Variants in CORO2A observed in about 807,000 individuals in gnomAD.
CORO2A encodes the protein coronin-2A.
In CORO2A, 47 loss-of-function variants were observed where a neutral mutation model predicts 62.4. The ratio of observed to expected loss-of-function variants is 0.75; its 90% CI spans 0.60 to 0.96. The LOEUF is 0.96. CORO2A is among the 40% of genes least tolerant of loss of function. The pLI, the probability that CORO2A is intolerant of heterozygous loss-of-function variation, is 0.00. For synonymous variants in CORO2A, 273 were observed against 268.9 expected (o/e 1.02, Z -0.15); for missense variants, 610 against 684.1 (o/e 0.89, Z 1.21).
chr9:98,170,185 G>C (rs561104006), intron 1 of CORO2A, among the ~76,000 whole-genome samples: 154 of 152,310 alleles, frequency 1.0e-3, no homozygotes, highest in Non-Finnish European at 1.4e-3. Context: ...CCTGCCCACT[G>C]TGTTTTTTCC....
At chr9:98,160,929 C>T (rs137916363) in intron 1 of CORO2A, among the ~76,000 whole-genome samples, 5 of 152,312 alleles carry the variant, frequency 3.3e-5, no homozygotes, top group South Asian at 4.1e-4. Context: ...CTAGGACTCT[C>T]GTCCTTGGCC....
chr9:98,138,974 G>A (rs1423958820), intron 2 of CORO2A, among the ~76,000 whole-genome samples: 2 of 151,174 alleles, frequency 1.3e-5, no homozygotes, highest in African/African-American at 4.9e-5. Flanking sequence ...TTGAACCCAG[G>A]AGGCAGAGGT....
rs1827235693 is a variant in CORO2A, at chr9:98,121,027, T to C, written c.*3747A>G. 6.6e-6 allele frequency: 1 copy of C among 152,256 alleles called. No individual in the cohort carries two copies. The highest frequency in any genetic ancestry group is 6.5e-5 in the Admixed American group (1 of 15,288). 9.4% of individuals were successfully genotyped at this position (152,256 alleles called of 1,614,324 possible). A position where few individuals can be genotyped will look rare whatever the true frequency, so the allele number is the denominator to read the frequency against. ...ATTTTGTTACATTATTTCCATTGCATATTCCACATCTATTTATTTTCACTT... is the reference window on the plus strand; with the variant it reads ...ATTTTGTTACATTATTTCCATTGCACATTCCACATCTATTTATTTTCACTT... On this transcript the variant is annotated 3_prime_UTR_variant, in exon 12 of 12. Coordinates refer to ENST00000375077, the MANE Select transcript of CORO2A (RefSeq NM_052820.4).
chr9:98,180,074 T>C (rs1828158587), intron 1 of CORO2A, among the ~76,000 whole-genome samples: 1 of 152,140 alleles, frequency 6.6e-6, no homozygotes, highest in African/African-American at 2.4e-5. Context: ...ACGATCATAA[T>C]GTGCCTGCAA....
intron 2 of CORO2A, among the ~76,000 whole-genome samples, chr9:98,152,359 G>A (rs1827737501): frequency 6.6e-6 from 1 of 151,886 alleles, no homozygotes; most frequent in Non-Finnish European, 1.5e-5. Flanking sequence ...GCACGTTCAT[G>A]GCTCATAGCA....
intron 2 of CORO2A, among the ~76,000 whole-genome samples, chr9:98,139,471 T>A (rs909587048): frequency 6.6e-6 from 1 of 151,878 alleles, no homozygotes; most frequent in African/African-American, 2.4e-5. Flanking sequence ...CTACTAAAAA[T>A]ACAAAATTAG....
chr9:98,190,105 A>G (rs6478597), intron 1 of CORO2A, among the ~76,000 whole-genome samples: 94,280 of 152,090 alleles, frequency 0.62, 29,787 homozygotes, highest in African/African-American at 0.75. Flanking sequence ...GGCTGGTCTC[A>G]AACTCTAGAC....
At chr9:98,146,924 G>A (rs1307495276) in intron 2 of CORO2A, among the ~76,000 whole-genome samples, 4 of 152,176 alleles carry the variant, frequency 2.6e-5, no homozygotes, top group Admixed American at 6.5e-5. Flanking sequence ...GTGCAGGTAA[G>A]TGCTATGGCA....
In CORO2A at chr9:98,180,196, A is replaced by G. The variant is rs982518103; in HGVS notation, c.-1+12363T>C. ...AAATACCTTATACTCTGCCTCTTAT[A>G]CTGAGCCAAACCAGACCCTACGTTC... On this transcript the variant is annotated intron_variant, in intron 1 of 11. Coordinates refer to ENST00000375077, the MANE Select transcript of CORO2A (RefSeq NM_052820.4). Among the ~76,000 whole-genome samples, 5 of 152,214 alleles carry G rather than the reference A, an allele frequency of 3.3e-5. No homozygotes were observed. The East Asian group carries it at 9.7e-4, about 29-fold the overall frequency.
At chr9:98,159,844 C>A (rs933706942) in intron 1 of CORO2A, among the ~76,000 whole-genome samples, 1 of 152,078 alleles carries the variant, frequency 6.6e-6, no homozygotes, top group Non-Finnish European at 1.5e-5. Flanking sequence ...CAGTGTCTAT[C>A]CCCCTTGGGC....
intron 1 of CORO2A, among the ~76,000 whole-genome samples, chr9:98,187,238 G>A (rs1464873620): frequency 1.4e-5 from 2 of 144,348 alleles, no homozygotes; most frequent in Admixed American, 7.2e-5. Flanking sequence ...AGCCGAGATC[G>A]TGCTGCTGCA....
chr9:98,174,594 T>C (rs1258915598), intron 1 of CORO2A, among the ~76,000 whole-genome samples: 2 of 151,962 alleles, frequency 1.3e-5, no homozygotes, highest in African/African-American at 2.4e-5. Context: ...TGGTGAGAGG[T>C]GATTGGATCA....
Position 98,128,621 on chromosome 9 carries a change from T to A in CORO2A, c.1066A>T (p.Ile356Phe). 3.7e-6 allele frequency: 6 copies of A among 1,614,142 alleles called. No individual in the cohort carries two copies. In the East Asian group the frequency reaches 8.9e-5, roughly 24 times the overall value. The change falls in exon 9 of 12, where the codon ATT becomes TTT. Residue 356 changes from isoleucine (I) to phenylalanine (F), a missense_variant. By Grantham distance (21) the Ile-to-Phe change is conservative. Transcript: ENST00000375077. ...ACTGCCCTTACCCGCCGGGGCACAA[T>A]CATGGAGATGGGCTCGATGAGGCTT... is the stretch of plus-strand genomic sequence containing the variant. ...TKSLIEPISM[I>F]VPRRSESYQE...
At chr9:98,169,462 G>A (rs146929568) in intron 1 of CORO2A, among the ~76,000 whole-genome samples, 11 of 151,290 alleles carry the variant, frequency 7.3e-5, no homozygotes, top group Non-Finnish European at 1.5e-4. Context: ...CCCAGGCCAT[G>A]CCAAGGCCTC....
intron 1 of CORO2A, among the ~76,000 whole-genome samples, chr9:98,190,027 G>C (rs1001394319): frequency 6.6e-6 from 1 of 152,088 alleles, no homozygotes; most frequent in African/African-American, 2.4e-5. Context: ...TGGGATTACA[G>C]GCATGTGCCA....
At chr9:98,156,868 C>G (rs1270968036) in intron 2 of CORO2A, among the ~76,000 whole-genome samples, 1 of 152,206 alleles carries the variant, frequency 6.6e-6, no homozygotes, top group Non-Finnish European at 1.5e-5. Flanking sequence ...AACCTGGGAT[C>G]CCTCTAGCCC....
At chr9:98,164,900 C>G (rs1827937973) in intron 1 of CORO2A, among the ~76,000 whole-genome samples, 1 of 152,072 alleles carries the variant, frequency 6.6e-6, no homozygotes, top group Admixed American at 6.6e-5. Context: ...TGGGGGAAGT[C>G]TTACTTAGGC....
At chr9:98,131,599 G>A (rs931135017) in intron 6 of CORO2A, among the ~76,000 whole-genome samples, 10 of 152,180 alleles carry the variant, frequency 6.6e-5, no homozygotes, top group South Asian at 2.1e-4. Context: ...GATTACACGC[G>A]TGTACCACCA....
chr9:98,147,195 G>A (rs1043821273), intron 2 of CORO2A, among the ~76,000 whole-genome samples: 2 of 152,008 alleles, frequency 1.3e-5, no homozygotes, highest in Non-Finnish European at 2.9e-5. Context: ...CAAGCAAAGT[G>A]GCATGTATGA....
Sources: allele counts gnomAD v4.1 joint callset (sites outside exome capture counted in the v4.1 genomes callset), GRCh38; gene constraint gnomAD v4.1.1; transcripts MANE v1.5; gene names NCBI Gene and HGNC (gene_info 2026-07-23, HGNC 2026-07-21).